SLC24A2: variants seen among roughly 807,000 people sequenced by gnomAD.
SLC24A2 encodes the protein solute carrier family 24 member 2.
In SLC24A2, 36 loss-of-function variants were observed where a neutral mutation model predicts 62.0. That is an observed-to-expected ratio of 0.58 (90% CI 0.44 to 0.77). SLC24A2 has a LOEUF of 0.77. SLC24A2 is among the 30% of genes least tolerant of loss of function. The pLI is 0.00. For synonymous variants in SLC24A2, 358 were observed against 294.0 expected (o/e 1.22, Z -2.23); for missense variants, 846 against 817.9 (o/e 1.03, Z -0.42).
chr9:20,186,772 T>C, the SLC24A2 span, among the ~76,000 whole-genome samples: 3 of 152,216 alleles, frequency 2.0e-5, no homozygotes, highest in African/African-American at 4.8e-5. Flanking sequence ...AAAGTCCTAG[T>C]ACAAAGCCTG....
At chr9:19,708,724 T>C (rs1308952318) in intron 2 of SLC24A2, among the ~76,000 whole-genome samples, 1 of 152,140 alleles carries the variant, frequency 6.6e-6, no homozygotes, top group Non-Finnish European at 1.5e-5. Context: ...TGAAACTGGA[T>C]CCCTTCCTTA....
chr9:19,843,638 A>G, the SLC24A2 span, among the ~76,000 whole-genome samples: 1 of 152,040 alleles, frequency 6.6e-6, no homozygotes, highest in Admixed American at 6.5e-5. Flanking sequence ...TAGTAAGCAC[A>G]GGGCCCAATA....
the SLC24A2 span, among the ~76,000 whole-genome samples, chr9:20,281,088 C>G: frequency 6.6e-6 from 1 of 152,100 alleles, no homozygotes; most frequent in East Asian, 1.9e-4. Context: ...AGACACCATG[C>G]CTGGCTGATT....
chr9:19,691,802 G>C (rs1820053828), intron 2 of SLC24A2, among the ~76,000 whole-genome samples: 1 of 152,088 alleles, frequency 6.6e-6, no homozygotes, highest in African/African-American at 2.4e-5. Context: ...ACAAGGACTG[G>C]AGTTCAAGTC....
At chr9:19,925,181 A>G in the SLC24A2 span, among the ~76,000 whole-genome samples, 7 of 152,354 alleles carry the variant, frequency 4.6e-5, no homozygotes, top group East Asian at 5.8e-4. Flanking sequence ...GACGTTCTCT[A>G]TAAGGACAGG....
the SLC24A2 span, among the ~76,000 whole-genome samples, chr9:20,027,870 T>C: frequency 1.3e-5 from 2 of 152,228 alleles, no homozygotes; most frequent in Non-Finnish European, 2.9e-5. Flanking sequence ...TATATATACT[T>C]CAAAACATAA....
chr9:19,813,994 C>A, the SLC24A2 span, among the ~76,000 whole-genome samples: 1 of 152,072 alleles, frequency 6.6e-6, no homozygotes, highest in Non-Finnish European at 1.5e-5. Flanking sequence ...GCTATAGGGG[C>A]CCAAATGAAT....
At chr9:19,722,182 G>A (rs1430674753) in intron 2 of SLC24A2, among the ~76,000 whole-genome samples, 2 of 152,080 alleles carry the variant, frequency 1.3e-5, no homozygotes, top group Admixed American at 1.3e-4. Context: ...TAGGAAGTGG[G>A]TGCTAATAGA....
In SLC24A2 at chr9:19,513,186, A is replaced by ATATATG. The variant is rs1832795656; in HGVS notation, c.*2961_*2966dup. 1 of 137,196 alleles carries ATATATG rather than the reference A, an allele frequency of 7.3e-6. No homozygotes were observed. Among genetic ancestry groups the ATATATG allele is most frequent in the African/African-American group, 2.7e-5 (1 of 36,454 alleles). 8.5% of individuals were successfully genotyped at this position (137,196 alleles called of 1,614,324 possible). A position where few individuals can be genotyped will look rare whatever the true frequency, so the allele number is the denominator to read the frequency against. Reference sequence around the variant, plus strand: ...TATATATATATATATGTATATATATATATATGTATATATTTATATATGTAT... The same window carrying ATATATG: ...TATATATATATATATGTATATATATATATATGTATATGTATATATTTATATATGTAT... On this transcript the variant is annotated 3_prime_UTR_variant, in exon 11 of 11. Coordinates refer to ENST00000341998, the MANE Select transcript of SLC24A2 (RefSeq NM_020344.4).
chr9:19,750,501 T>C (rs141655728), intron 2 of SLC24A2, among the ~76,000 whole-genome samples: 4 of 152,226 alleles, frequency 2.6e-5, no homozygotes, highest in Non-Finnish European at 4.4e-5. Context: ...CCAATTCCTT[T>C]TGATACTATG....
At position 19,692,189 on chromosome 9, in the gene SLC24A2, C is replaced by A. The variant is rs763573959; in HGVS notation, c.931-69890G>T. On this transcript the variant is annotated intron_variant, in intron 2 of 10. Transcript: ENST00000341998. ...AACTAAAAGTATAATTTAAAAAATT[C>A]TCTCAAGGCTTATCAGGAAACCACA... 1.6e-4 allele frequency among the ~76,000 whole-genome samples: 25 copies of A among 152,188 alleles called. 1 individual carries two copies. Among genetic ancestry groups the A allele is most frequent in the African/African-American group, 4.8e-4 (20 of 41,516 alleles).
chr9:19,994,672 C>T, the SLC24A2 span, among the ~76,000 whole-genome samples: 15 of 152,250 alleles, frequency 9.9e-5, no homozygotes, highest in East Asian at 1.9e-3. Flanking sequence ...TCCCAAGGAC[C>T]TCTGAGGGCC....
At chr9:20,084,586 C>G in the SLC24A2 span, among the ~76,000 whole-genome samples, 3 of 146,132 alleles carry the variant, frequency 2.1e-5, no homozygotes, top group Non-Finnish European at 4.5e-5. Flanking sequence ...AGTGAACTCT[C>G]CAGAGTGAGA....
In SLC24A2 at chr9:19,513,168, ATATATATGTATATATATATATATG is replaced by A. The variant is rs199935206; in HGVS notation, c.*2961_*2984del. 192 of 60,188 alleles carry A rather than the reference ATATATATGTATATATATATATATG, an allele frequency of 3.2e-3. 4 individuals carry two copies. The East Asian group carries it at 0.1, about 32-fold the overall frequency. 3.7% of individuals were successfully genotyped at this position (60,188 alleles called of 1,614,324 possible). Reference sequence around the variant, plus strand: ...CTGGTATAAAGATATATATATATATATATATATGTATATATATATATATGTATATATTTATATATGTATATACAC... The same window carrying A: ...CTGGTATAAAGATATATATATATATATATATATTTATATATGTATATACAC... On this transcript the variant is annotated 3_prime_UTR_variant, in exon 11 of 11. Transcript: ENST00000341998.
chr9:20,296,943 C>T, the SLC24A2 span, among the ~76,000 whole-genome samples: 1 of 152,120 alleles, frequency 6.6e-6, no homozygotes, highest in Admixed American at 6.5e-5. Context: ...AGTATGCTGT[C>T]ATTCTTTTAT....
At chr9:19,734,281 T>TACCATGCTGTTTTGGTG (rs1821430969) in intron 2 of SLC24A2, among the ~76,000 whole-genome samples, 1 of 151,772 alleles carries the variant, frequency 6.6e-6, no homozygotes, top group Non-Finnish European at 1.5e-5. Context: ...CTGTTTTGGT[T>TACCATGCTGTTTTGGTG]ACTGTAGCCT....
chr9:20,002,279 G>A, the SLC24A2 span, among the ~76,000 whole-genome samples: 2 of 151,752 alleles, frequency 1.3e-5, no homozygotes, highest in East Asian at 1.9e-4. Context: ...GTTGAAAGGT[G>A]TCTCTGAGCA....
At chr9:19,874,032 C>T in the SLC24A2 span, among the ~76,000 whole-genome samples, 1 of 150,192 alleles carries the variant, frequency 6.7e-6, no homozygotes, top group Non-Finnish European at 1.5e-5. Context: ...GGTAAAAATT[C>T]TATAAACTCG....
intron 2 of SLC24A2, among the ~76,000 whole-genome samples, chr9:19,629,048 T>C (rs1818107212): frequency 6.6e-6 from 1 of 152,156 alleles, no homozygotes; most frequent in Non-Finnish European, 1.5e-5. Context: ...AAGTGTTATA[T>C]ATATAATATC....
Sources: allele counts gnomAD v4.1 joint callset (sites outside exome capture counted in the v4.1 genomes callset), GRCh38; gene constraint gnomAD v4.1.1; transcripts MANE v1.5; gene names NCBI Gene and HGNC (gene_info 2026-07-23, HGNC 2026-07-21).